Variants in DCST2 observed in about 807,000 individuals in gnomAD.
DCST2 encodes the protein DC-STAMP domain-containing protein 2.
Under a neutral mutation model 81.8 loss-of-function variants are expected in DCST2, and 64 were observed. The observed-to-expected ratio is 0.78, with a 90% CI of 0.64 to 0.96. DCST2 has a LOEUF of 0.96. Among genes scored for constraint, DCST2 ranks in the 40% least tolerant of loss-of-function variants. The probability of loss-of-function intolerance (pLI) is 0.00; values close to 1 mark genes in which losing one functional copy is unlikely to be tolerated. For synonymous variants in DCST2, 354 were observed against 402.6 expected (o/e 0.88, Z 1.44); for missense variants, 945 against 1,001.4 (o/e 0.94, Z 0.76).
chr1:155,023,756 A>G, intron 12 of DCST2, 76 bp downstream of exon 12: 1 of 1,603,412 alleles, frequency 6.2e-7, no homozygotes, highest in Non-Finnish European at 8.5e-7. Context: ...TCCATCAAGG[A>G]AGGACCACAG....
chr1:155,032,017 G>A (rs1409508648), intron 3 of DCST2, among the ~76,000 whole-genome samples: 1 of 152,112 alleles, frequency 6.6e-6, no homozygotes, highest in East Asian at 1.9e-4. Flanking sequence ...TTTTGAGATG[G>A]AGTTTCGCTC....
At chr1:155,028,743 T>G (rs1571548741) in intron 8 of DCST2, among the ~76,000 whole-genome samples, 1 of 151,884 alleles carries the variant, frequency 6.6e-6, no homozygotes, top group East Asian at 1.9e-4. Context: ...CATGGTGGCA[T>G]GTGCCTGTAG....
chr1:155,032,992 G>C (rs889118526), intron 2 of DCST2, 102 bp downstream of exon 2: 54 of 1,333,490 alleles, frequency 4.0e-5, no homozygotes, highest in Non-Finnish European at 5.3e-5. Flanking sequence ...GATGCTCCGC[G>C]ATTAGCACCA....
In DCST2 at chr1:155,033,199, T is replaced by G; in HGVS notation, c.334A>C (p.Thr112Pro). 3 of 1,613,810 alleles carry G rather than the reference T, an allele frequency of 1.9e-6. No homozygotes were observed. Among genetic ancestry groups the G allele is most frequent in the Non-Finnish European group, 2.5e-6 (3 of 1,179,914 alleles). ...CTGGCCCGGGTGAAGTTGCGTAGAG[T>G]GTTGGCACAAGGCCCTTGAAGCACC... ...GLVLQGPCAN[T>P]LRNFTRASEA... The change falls in exon 2 of 15, where the codon ACT (threonine) becomes CCT (proline). Residue 112 changes from threonine to proline, a missense_variant. Thr to Pro is a conservative substitution (Grantham distance 38). Transcript: ENST00000368424.
In DCST2 at chr1:155,024,478, G is replaced by C; in HGVS notation, c.1736C>G (p.Ala579Gly). 6.2e-7 allele frequency: 1 copy of C among 1,603,556 alleles called. No individual in the cohort carries two copies. The highest frequency in any genetic ancestry group is 8.5e-7 in the Non-Finnish European group (1 of 1,174,310). Reference sequence around the variant, plus strand: ...GAAAAGACAGTGGCCTCACCGACTGGCCAGCACTAGGAAGGCACTTCTGTG... The same window carrying C: ...GAAAAGACAGTGGCCTCACCGACTGCCCAGCACTAGGAAGGCACTTCTGTG... ...QGHRSAFLVL[A>G]SRCPCLGPFV... The change falls in exon 11 of 15, where the codon GCC (alanine) becomes GGC (glycine). Residue 579 changes from alanine (A) to glycine (G), a missense_variant. Ala to Gly is a moderately conservative substitution (Grantham distance 60). Coordinates refer to ENST00000368424, the MANE Select transcript of DCST2 (RefSeq NM_144622.3).
At chr1:155,024,709 A>C in intron 10 of DCST2, 107 bp from the exon 11 acceptor site, 1 of 1,288,502 alleles carries the variant, frequency 7.8e-7, no homozygotes, top group Non-Finnish European at 1.0e-6. Flanking sequence ...ACTCCTATGA[A>C]TCCCTCTAGG....
At position 155,018,529 on chromosome 1, in the gene DCST2, G is replaced by T. The variant is rs761687579; in HGVS notation, c.*15C>A. 6.2e-7 allele frequency: 1 copy of T among 1,604,720 alleles called. No individual in the cohort carries two copies. Among genetic ancestry groups the T allele is most frequent in the Admixed American group, 1.7e-5 (1 of 59,784 alleles). ...TAATAATAATTTAAGATTCACACTT[G>T]TGTCCACTTTTGGTTTATTTGGGGG... On this transcript the variant is annotated 3_prime_UTR_variant, in exon 15 of 15. Transcript: ENST00000368424.
intron 4 of DCST2, 44 bp downstream of exon 4, chr1:155,031,529 AC>A: frequency 1.9e-6 from 1 of 536,646 alleles, no homozygotes; most frequent in Non-Finnish European, 3.0e-6. Context: ...ACCCCACCCC[AC>A]CCCACATCGG....
chr1:155,024,604 T>C lies in DCST2; in HGVS notation c.1612-2A>G. ...ATTGTACAGGTAGGAGATCCTCTCC[T>C]GGTGCGGGGAGATCAGGGATGGGGT... On this transcript the variant is annotated splice_acceptor_variant, in intron 10 of 14. Coordinates refer to ENST00000368424, the MANE Select transcript of DCST2 (RefSeq NM_144622.3). LOFTEE classifies it high-confidence loss of function. 6.3e-7 allele frequency: 1 copy of C among 1,592,726 alleles called. No individual in the cohort carries two copies. Among genetic ancestry groups the C allele is most frequent in the Non-Finnish European group, 8.6e-7 (1 of 1,169,456 alleles).
chr1:155,022,353 T>C (rs1402865906), intron 14 of DCST2, among the ~76,000 whole-genome samples: 1 of 152,062 alleles, frequency 6.6e-6, no homozygotes, highest in African/African-American at 2.4e-5. Context: ...CCTCACATTC[T>C]CCAAACCCAC....
In DCST2 at chr1:155,023,823, G is replaced by T. The variant is rs375960164; in HGVS notation, c.1870+9C>A. Reference sequence around the variant, plus strand: ...AGCAGGGAGAGGCACACGCCCCAGGGGGTCTCACCTTGGCAGCCGGGGGTA... The same window carrying T: ...AGCAGGGAGAGGCACACGCCCCAGGTGGTCTCACCTTGGCAGCCGGGGGTA... On this transcript the variant is annotated intron_variant, in intron 12 of 14. Coordinates refer to ENST00000368424, the MANE Select transcript of DCST2 (RefSeq NM_144622.3). 3.3e-5 allele frequency: 54 copies of T among 1,613,256 alleles called. No homozygotes were observed. The highest frequency in any genetic ancestry group is 3.6e-5 in the Non-Finnish European group (43 of 1,179,764).
rs1250397468 is a variant in DCST2, at chr1:155,023,311, T to C, written c.1964+53A>G. 5.0e-6 allele frequency: 8 copies of C among 1,612,866 alleles called. No individual in the cohort carries two copies. The Admixed American group carries it at 1.0e-4, about 20-fold the overall frequency. Reference sequence around the variant, plus strand: ...GCAGACATCCTGGGAGAAGGGTGCCTACTTCCACTGCCCCTACAGACTCCA... The same window carrying C: ...GCAGACATCCTGGGAGAAGGGTGCCCACTTCCACTGCCCCTACAGACTCCA... On this transcript the variant is annotated intron_variant, in intron 13 of 14. Transcript: ENST00000368424.
Position 155,018,677 on chromosome 1 carries a change from A to G in DCST2, c.2189T>C (p.Leu730Pro). The change falls in exon 15 of 15, where the codon CTC (leucine) becomes CCC (proline). Residue 730 changes from leucine to proline, a missense_variant. By Grantham distance (98) the Leu-to-Pro change is moderately conservative. Coordinates refer to ENST00000368424, the MANE Select transcript of DCST2 (RefSeq NM_144622.3). The part of the protein sequence containing the change: ...LPEAHQPVSI[L>P]TSPEPHRPPE... ...TGGTCTGTGGGGCTCAGGGCTGGTG[A>G]GAATGCTGACAGGCTGATGGGCTTC... 1 of 1,613,802 alleles carries G rather than the reference A, an allele frequency of 6.2e-7. No individual in the cohort carries two copies. Among genetic ancestry groups the G allele is most frequent in the Non-Finnish European group, 8.5e-7 (1 of 1,179,896 alleles).
intron 8 of DCST2, 40 bp downstream of exon 8, chr1:155,029,193 C>T: frequency 1.2e-6 from 2 of 1,605,800 alleles, no homozygotes; most frequent in Non-Finnish European, 1.7e-6. Flanking sequence ...GAGGGGGCTG[C>T]AGTGGGTGAG....
In DCST2 at chr1:155,026,294, C is replaced by G. The variant is rs201612907; in HGVS notation, c.1611+8G>C. The G allele has an allele frequency of 7.1e-5, 114 of 1,613,418 alleles. No homozygotes were observed. Among genetic ancestry groups the G allele is most frequent in the Non-Finnish European group, 9.5e-5 (112 of 1,179,930 alleles). On this transcript the variant is annotated splice_region_variant and intron_variant, in intron 10 of 14. Transcript: ENST00000368424. ...GCAGGGACTAGCTCCCAGCCCCGGA[C>G]CCCTCACCTGCTCCCGGGATGGGTA...
At chr1:155,019,430 C>T (rs1466327136) in intron 14 of DCST2, among the ~76,000 whole-genome samples, 1 of 152,210 alleles carries the variant, frequency 6.6e-6, no homozygotes, top group Non-Finnish European at 1.5e-5. Flanking sequence ...CCCTAACCTC[C>T]TTGGTTCTAT....
Position 155,026,386 on chromosome 1 carries a change from T to C in DCST2, c.1527A>G (p.Leu509=), listed in dbSNP as rs1417968425. Residue 509 remains leucine, a synonymous_variant, in exon 10 of 15, where the codon CTA becomes CTG. Transcript: ENST00000368424. ...TGCCAAACAGGGTGATGAAGAAGCA[T>C]AGGCCATACATGACGCCTGGGAGCA... ...GYIVIGVMYG[L]CFFITLFGSY... is the part of the protein sequence containing the mutation. The C allele has an allele frequency of 5.6e-6, 9 of 1,613,608 alleles. No individual in the cohort carries two copies. The highest frequency in any genetic ancestry group is 5.9e-6 in the Non-Finnish European group (7 of 1,180,006).
At chr1:155,027,103 G>A (rs1167469770) in intron 8 of DCST2, among the ~76,000 whole-genome samples, 1 of 151,708 alleles carries the variant, frequency 6.6e-6, no homozygotes, top group Non-Finnish European at 1.5e-5. Context: ...TGTGATCTTG[G>A]CTCACTGCAG....
chr1:155,031,154 G>A lies in DCST2; in HGVS notation c.805+15C>T, dbSNP rs761781976. On this transcript the variant is annotated intron_variant, in intron 5 of 14. Coordinates refer to ENST00000368424, the MANE Select transcript of DCST2 (RefSeq NM_144622.3). ...CACTAGGGAGCACCATATGTGGCAG[G>A]AGGGGGTCACTCACGGGTGCCGATG... 1 of 1,586,256 alleles carries A rather than the reference G, an allele frequency of 6.3e-7. No individual in the cohort carries two copies. The highest frequency in any genetic ancestry group is 1.1e-5 in the South Asian group (1 of 87,032).
Sources: gnomAD v4.1 joint callset for allele counts (sites outside exome capture counted in the v4.1 genomes callset) on GRCh38, gnomAD v4.1.1 for gene constraint, MANE v1.5 for transcripts, NCBI Gene and HGNC (gene_info 2026-07-23, HGNC 2026-07-21) for gene names.